The following SGO2 variants were observed in gnomAD, a reference collection of about 807,000 sequenced individuals.
SGO2 encodes the protein shugoshin 2.
In SGO2, 68 loss-of-function variants were observed where a neutral mutation model predicts 99.5. That is an observed-to-expected ratio of 0.68 (90% CI 0.56 to 0.84). The LOEUF is 0.84. Among genes scored for constraint, SGO2 ranks in the 40% least tolerant of loss-of-function variants. The pLI, the probability that SGO2 is intolerant of heterozygous loss-of-function variation, is 0.00. For missense variants in SGO2, 1,350 were observed against 1,436.7 expected (o/e 0.94, Z 0.97); for synonymous variants, 457 against 487.1 (o/e 0.94, Z 0.81).
At chr2:200,528,097 G>A (rs1276815837) in intron 1 of SGO2, among the ~76,000 whole-genome samples, 1 of 152,196 alleles carries the variant, frequency 6.6e-6, no homozygotes, top group Admixed American at 6.5e-5. Flanking sequence ...TTAATGAAAA[G>A]GATTAGAAAG....
chr2:200,534,970 A>C, intron 2 of SGO2, 26 bp from the exon 3 acceptor site: 2 of 1,455,338 alleles, frequency 1.4e-6, no homozygotes, highest in Non-Finnish European at 1.8e-6. Context: ...GCTGAATATT[A>C]ACTCATTTTA....
intron 5 of SGO2, among the ~76,000 whole-genome samples, chr2:200,566,400 G>C (rs1323600468): frequency 6.6e-6 from 1 of 152,160 alleles, no homozygotes; most frequent in Non-Finnish European, 1.5e-5. Context: ...TTGCAGAATG[G>C]CAAATGTTGC....
rs1006969031 is a variant in SGO2 at position 200,535,003 on chromosome 2, T to C, written c.141T>C (p.Ser47=). The C allele has an allele frequency of 5.9e-6, 9 of 1,525,174 alleles. No individual in the cohort carries two copies. Among genetic ancestry groups the C allele is most frequent in the Middle Eastern group, 3.8e-4 (2 of 5,286 alleles). The allele number at this position is 1,525,174 out of a possible 1,614,324, so 94.5% of individuals were successfully genotyped here. A position where few individuals can be genotyped will look rare whatever the true frequency, so the allele number is the denominator to read the frequency against. The change falls in exon 3 of 9, where the codon TCT becomes TCC. Residue 47 remains serine (S), a synonymous_variant. Coordinates refer to ENST00000357799, the MANE Select transcript of SGO2 (RefSeq NM_152524.6). The part of the protein sequence containing the change: ...SKIKTKILNN[S]SIFKISLKHN... ...TTAAAAATCTTTTTACAGATAATTC[T>C]TCTATTTTCAAAATATCTTTAAAGC...
intron 4 of SGO2, among the ~76,000 whole-genome samples, chr2:200,539,408 A>G (rs998037508): frequency 1.3e-5 from 2 of 151,200 alleles, no homozygotes; most frequent in African/African-American, 2.4e-5. Context: ...TTTTCTCCCC[A>G]CTATCTTAGG....
chr2:200,572,962 T>C lies in SGO2; in HGVS notation c.2616T>C (p.Asn872=), dbSNP rs770142403. The C allele has an allele frequency of 1.3e-6, 2 of 1,593,580 alleles. No individual in the cohort carries two copies. Among genetic ancestry groups the C allele is most frequent in the African/African-American group, 1.4e-5 (1 of 73,652 alleles). The change falls in exon 7 of 9, where the codon AAT becomes AAC. Residue 872 remains asparagine, a synonymous_variant. Coordinates refer to ENST00000357799, the MANE Select transcript of SGO2 (RefSeq NM_152524.6). The part of the protein sequence containing the change: ...FQTVDLLIKD[N]GNLCDYDTQN... The stretch of plus-strand genomic sequence containing the variant: ...CAGTTGATCTTCTCATCAAAGATAA[T>C]GGAAATTTATGTGATTATGACACCC...
chr2:200,556,034 G>A (rs983499572), intron 5 of SGO2, among the ~76,000 whole-genome samples: 3 of 152,014 alleles, frequency 2.0e-5, no homozygotes, highest in African/African-American at 2.4e-5. Context: ...GTGCAATCTC[G>A]GCTCACTACA....
At chr2:200,574,065 C>A in intron 7 of SGO2, 88 bp downstream of exon 7, 1 of 1,003,410 alleles carries the variant, frequency 1.0e-6, no homozygotes, top group Non-Finnish European at 1.4e-6. Flanking sequence ...GAAGTATTTT[C>A]TAACTGGTAT....
chr2:200,563,032 C>T (rs547449830), intron 5 of SGO2, among the ~76,000 whole-genome samples: 3 of 152,068 alleles, frequency 2.0e-5, no homozygotes, highest in African/African-American at 7.2e-5. Flanking sequence ...TCCTCTTTTC[C>T]TAATTGAATA....
Position 200,526,851 on chromosome 2 carries a change from GC to G in SGO2, c.-3+601del, listed in dbSNP as rs1482045638. The stretch of plus-strand genomic sequence containing the variant: ...GTATTTAGAGATAGTCGAGATGCTG[GC>G]CGGACAAGTGTCACAGAGTGCTGGT... On this transcript the variant is annotated intron_variant, in intron 1 of 8. Coordinates refer to ENST00000357799, the MANE Select transcript of SGO2 (RefSeq NM_152524.6). This position sits in a 1 kb window ranked among gnomAD's most constrained non-coding sequence, Gnocchi z 4.8. Among the ~76,000 whole-genome samples, 1 of 152,140 alleles carries G rather than the reference GC, an allele frequency of 6.6e-6. No individual in the cohort carries two copies.
At chr2:200,537,927 A>G (rs541077121) in intron 4 of SGO2, among the ~76,000 whole-genome samples, 4 of 152,116 alleles carry the variant, frequency 2.6e-5, no homozygotes, top group South Asian at 2.1e-4. Context: ...CTCACACCCC[A>G]TATCTGATCC....
intron 5 of SGO2, among the ~76,000 whole-genome samples, chr2:200,564,290 C>A (rs1038815361): frequency 6.6e-6 from 1 of 152,182 alleles, no homozygotes; most frequent in Admixed American, 6.5e-5. Context: ...CATAGAACAT[C>A]TTTATTTCTG....
chr2:200,532,928 T>C (rs1347889572), intron 1 of SGO2, 46 bp from the exon 2 acceptor site: 8 of 1,561,870 alleles, frequency 5.1e-6, no homozygotes. Flanking sequence ...AGTTATACTT[T>C]TTCTTTTATT....
At chr2:200,554,049 C>T (rs891040798) in intron 5 of SGO2, among the ~76,000 whole-genome samples, 1 of 152,106 alleles carries the variant, frequency 6.6e-6, no homozygotes, top group African/African-American at 2.4e-5. Context: ...CAATTGTGTT[C>T]TGTTGCAAAA....
chr2:200,571,709 G>T lies in SGO2; in HGVS notation c.1363G>T (p.Glu455Ter). 6.2e-7 allele frequency: 1 copy of T among 1,613,466 alleles called. No homozygotes were observed. ...AEDPGFIFNN[E>*]QLAQMNEQLA... ...AGATCCCGGTTTTATTTTCAATAAT[G>T]AACAGCTGGCTCAGATGAATGAACA... Residue 455 changes from glutamate (E) to a stop codon, truncating the protein, a stop_gained, in exon 7 of 9, where the codon GAA becomes TAA. Coordinates refer to ENST00000357799, the MANE Select transcript of SGO2 (RefSeq NM_152524.6). LOFTEE classifies it high-confidence loss of function.
chr2:200,583,274 TA>T (rs1384028515), intron 8 of SGO2, among the ~76,000 whole-genome samples, 174 bp from the exon 9 acceptor site: 5 of 152,232 alleles, frequency 3.3e-5, no homozygotes, highest in Non-Finnish European at 7.4e-5. Context: ...AGTACTCTGA[TA>T]GTGAGAACTA....
chr2:200,555,875 G>A (rs569583244), intron 5 of SGO2, among the ~76,000 whole-genome samples: 14 of 152,176 alleles, frequency 9.2e-5, no homozygotes, highest in Non-Finnish European at 2.1e-4. Context: ...GTTTCATGAG[G>A]TAAATAGGTT....
chr2:200,527,530 TTA>T (rs2031157706), intron 1 of SGO2, among the ~76,000 whole-genome samples: 1 of 152,236 alleles, frequency 6.6e-6, no homozygotes, highest in Admixed American at 6.5e-5. Flanking sequence ...CTGGTTCAAC[TTA>T]TTCCCCATTG....
rs201929623 is a variant in SGO2, at chr2:200,583,219, CTA to C, written c.3783-228_3783-227del. Among the ~76,000 whole-genome samples, 10 of 152,100 alleles carry C rather than the reference CTA, an allele frequency of 6.6e-5. No homozygotes were observed. In the East Asian group the frequency reaches 7.7e-4, roughly 12 times the overall value. On this transcript the variant is annotated intron_variant, in intron 8 of 8. Coordinates refer to ENST00000357799, the MANE Select transcript of SGO2 (RefSeq NM_152524.6). The stretch of plus-strand genomic sequence containing the variant: ...GTAATAAACATGTAATATATAAAAT[CTA>C]TGTTGATTAATTTTTCTTAAATATT...
At chr2:200,557,865 C>CTTT (rs796257056) in intron 5 of SGO2, among the ~76,000 whole-genome samples, 6 of 130,166 alleles carry the variant, frequency 4.6e-5, no homozygotes, top group African/African-American at 8.5e-5. Context: ...GCATTGGCTA[C>CTTT]TTTTTTTTTT....
Sources: allele counts gnomAD v4.1 joint callset (sites outside exome capture counted in the v4.1 genomes callset), GRCh38; gene constraint gnomAD v4.1.1; non-coding constraint Gnocchi (gnomAD v3.1); transcripts MANE v1.5; gene names NCBI Gene and HGNC (gene_info 2026-07-23, HGNC 2026-07-21).